SLC36A1: variants seen among roughly 807,000 people sequenced by gnomAD.
SLC36A1 encodes the protein solute carrier family 36 member 1.
Under a neutral mutation model 47.5 loss-of-function variants are expected in SLC36A1, and 30 were observed. The ratio of observed to expected loss-of-function variants is 0.63; its 90% CI spans 0.47 to 0.86. SLC36A1 has a LOEUF of 0.86. Ranked by LOEUF, SLC36A1 falls within the 40% of genes least tolerant of loss-of-function variation. SLC36A1 has a pLI of 0.00. For synonymous variants in SLC36A1, 255 were observed against 249.7 expected (o/e 1.02, Z -0.20); for missense variants, 517 against 606.0 (o/e 0.85, Z 1.54).
In SLC36A1 at chr5:151,485,132, G is replaced by A. The variant is rs557759198; in HGVS notation, c.1160-2851G>A. ...CATATTCAACCCTCAAGGTTTGGGG[G>A]ATGTCACCAACTCTATTTAGAAGCA... On this transcript the variant is annotated intron_variant, in intron 10 of 10. Coordinates refer to ENST00000243389, the MANE Select transcript of SLC36A1 (RefSeq NM_078483.4). 1.6e-3 allele frequency among the ~76,000 whole-genome samples: 251 copies of A among 152,254 alleles called. 2 individuals carry two copies. Among genetic ancestry groups the A allele is most frequent in the Non-Finnish European group, 2.8e-3 (190 of 68,014 alleles).
intron 9 of SLC36A1, among the ~76,000 whole-genome samples, chr5:151,478,420 C>T (rs1289653660): frequency 1.2e-4 from 18 of 152,042 alleles, no homozygotes; most frequent in Non-Finnish European, 8.8e-5. Flanking sequence ...TGGTGAGTTA[C>T]GTCATTTTTG....
At chr5:151,531,412 A>G in the SLC36A1 span, among the ~76,000 whole-genome samples, 12 of 152,190 alleles carry the variant, frequency 7.9e-5, no homozygotes, top group Admixed American at 7.8e-4. The surrounding 1 kb of genome is among the most constrained non-coding windows in gnomAD (Gnocchi z 5.7). Flanking sequence ...AGCTGGCCCC[A>G]GGGTGGAAGG....
upstream of SLC36A1, among the ~76,000 whole-genome samples, chr5:151,443,467 T>G (rs1469409025): frequency 6.6e-6 from 1 of 152,244 alleles, no homozygotes; most frequent in Non-Finnish European, 1.5e-5. Flanking sequence ...TTTTATTTCT[T>G]CTTTGGAGAA....
At chr5:151,361,960 T>C in the SLC36A1 span, among the ~76,000 whole-genome samples, 1 of 152,184 alleles carries the variant, frequency 6.6e-6, no homozygotes, top group East Asian at 1.9e-4. Context: ...GAAGCTCCTT[T>C]ATACATTGTT....
intron 10 of SLC36A1, among the ~76,000 whole-genome samples, chr5:151,487,717 G>T (rs114337032): frequency 6.6e-6 from 1 of 152,168 alleles, no homozygotes; most frequent in Non-Finnish European, 1.5e-5. Flanking sequence ...TGGAAGTCAT[G>T]TGCTGTAGCC....
chr5:151,365,944 G>C, the SLC36A1 span, among the ~76,000 whole-genome samples: 2 of 152,202 alleles, frequency 1.3e-5, no homozygotes, highest in Non-Finnish European at 2.9e-5. Flanking sequence ...CAGCTCCCAA[G>C]ACATTGGGAC....
At chr5:151,353,627 T>C in the SLC36A1 span, among the ~76,000 whole-genome samples, 1 of 152,250 alleles carries the variant, frequency 6.6e-6, no homozygotes, top group Non-Finnish European at 1.5e-5. Context: ...TTCTGTGGGT[T>C]TGGACAGGTG....
At chr5:151,422,324 G>A in the SLC36A1 span, 1 of 152,254 alleles carries the variant, frequency 6.6e-6, no homozygotes, top group African/African-American at 2.4e-5. Flanking sequence ...AAGAAGACAA[G>A]CGATAAGCTG....
chr5:151,448,157 G>T (rs953625381), intron 1 of SLC36A1, among the ~76,000 whole-genome samples: 1 of 152,172 alleles, frequency 6.6e-6, no homozygotes, highest in African/African-American at 2.4e-5. Context: ...CTGCAAGGAC[G>T]CTGGGAAGTC....
chr5:151,495,617 T>C (rs1165138834), downstream of SLC36A1, among the ~76,000 whole-genome samples: 1 of 152,192 alleles, frequency 6.6e-6, no homozygotes, highest in Non-Finnish European at 1.5e-5. Flanking sequence ...GATGCCTAAC[T>C]GTACCGTCAC....
chr5:151,347,542 T>C, the SLC36A1 span: 21 of 1,549,682 alleles, frequency 1.4e-5, no homozygotes, highest in African/African-American at 4.1e-5. Context: ...CTAGTGTAGA[T>C]GTACACCCCA....
the SLC36A1 span, among the ~76,000 whole-genome samples, chr5:151,523,218 A>G: frequency 6.6e-6 from 1 of 152,202 alleles, no homozygotes; most frequent in Non-Finnish European, 1.5e-5. Context: ...ATAATAATTA[A>G]CACTACTGTT....
chr5:151,400,038 A>G, the SLC36A1 span, among the ~76,000 whole-genome samples: 1 of 152,106 alleles, frequency 6.6e-6, no homozygotes, highest in South Asian at 2.1e-4. Flanking sequence ...TTTAGGGGGT[A>G]CATGTGCAGG....
At chr5:151,494,690 A>G (rs1760289409), downstream of SLC36A1, among the ~76,000 whole-genome samples, 1 of 152,142 alleles carries the variant, frequency 6.6e-6, no homozygotes, top group South Asian at 2.1e-4. Context: ...TAATTTGTTT[A>G]TCCATTCATT....
intron 1 of SLC36A1, among the ~76,000 whole-genome samples, chr5:151,449,154 C>T (rs1170464398): frequency 1.3e-5 from 2 of 152,146 alleles, no homozygotes; most frequent in African/African-American, 2.4e-5. Flanking sequence ...GAAGCAGTTT[C>T]CTCTGCTTAT....
downstream of SLC36A1, among the ~76,000 whole-genome samples, chr5:151,492,884 A>G (rs1052658878): frequency 2.0e-5 from 3 of 152,222 alleles, no homozygotes; most frequent in Non-Finnish European, 4.4e-5. Flanking sequence ...CTGCCTCCAG[A>G]CTGCAGCATC....
the SLC36A1 span, among the ~76,000 whole-genome samples, chr5:151,513,029 G>C: frequency 1.6e-4 from 24 of 152,200 alleles, no homozygotes; most frequent in Non-Finnish European, 2.4e-4. Flanking sequence ...AGGTCCCCAA[G>C]ACCTTTTCAG....
intron 1 of SLC36A1, among the ~76,000 whole-genome samples, chr5:151,450,659 G>A (rs1347531808): frequency 1.3e-5 from 2 of 152,216 alleles, no homozygotes; most frequent in East Asian, 3.8e-4. Flanking sequence ...CTTGTCTCAG[G>A]TAACTATTCT....
the SLC36A1 span, among the ~76,000 whole-genome samples, chr5:151,413,902 A>G: frequency 2.0e-4 from 31 of 152,256 alleles, no homozygotes; most frequent in African/African-American, 7.5e-4. Flanking sequence ...TGCCAACATA[A>G]TATATTTACA....
Sources: gnomAD v4.1 joint callset for allele counts (sites outside exome capture counted in the v4.1 genomes callset) on GRCh38, gnomAD v4.1.1 for gene constraint, Gnocchi (gnomAD v3.1) non-coding constraint, MANE v1.5 for transcripts, NCBI Gene and HGNC (gene_info 2026-07-23, HGNC 2026-07-21) for gene names.